CDH12: variants seen among roughly 807,000 people sequenced by gnomAD.
CDH12 encodes cadherin 12.
In CDH12, 41 loss-of-function variants were observed where a neutral mutation model predicts 74.1. The observed-to-expected ratio is 0.55, with a 90% CI of 0.43 to 0.72. The LOEUF is 0.72. Ranked by LOEUF, CDH12 falls within the 30% of genes least tolerant of loss-of-function variation. CDH12 has a pLI of 0.00. For missense variants in CDH12, 945 were observed against 977.2 expected (o/e 0.97, Z 0.44); for synonymous variants, 399 against 355.0 (o/e 1.12, Z -1.39).
intron 2 of CDH12, among the ~76,000 whole-genome samples, chr5:22,466,861 T>C (rs1745753446): frequency 7.3e-6 from 1 of 136,356 alleles, no homozygotes; most frequent in African/African-American, 2.7e-5. Flanking sequence ...CAGTCTCGGC[T>C]CACTGCAACC....
chr5:22,157,912 G>GT lies in CDH12; in HGVS notation c.-187+54585dup, dbSNP rs967747355. Among the ~76,000 whole-genome samples, 70 of 150,944 alleles carry GT rather than the reference G, an allele frequency of 4.6e-4. 3 individuals carry two copies. Among genetic ancestry groups the GT allele is most frequent in the South Asian group, 1.7e-3 (8 of 4,784 alleles). ...GTCTAAATCCACTTTATTCCAATAT[G>GT]TTTTTTTTTCCGGGATAAAGATTAT... On this transcript the variant is annotated intron_variant, in intron 4 of 14. Coordinates refer to ENST00000382254, the MANE Select transcript of CDH12 (RefSeq NM_004061.5).
At chr5:22,356,823 T>C (rs1203951203) in intron 3 of CDH12, among the ~76,000 whole-genome samples, 1 of 152,118 alleles carries the variant, frequency 6.6e-6, no homozygotes, top group Non-Finnish European at 1.5e-5. Flanking sequence ...TGTTCACATG[T>C]AACTAAAAAC....
At chr5:22,389,947 C>A (rs192877481) in intron 3 of CDH12, among the ~76,000 whole-genome samples, 1 of 151,098 alleles carries the variant, frequency 6.6e-6, no homozygotes, top group African/African-American at 2.4e-5. Context: ...CGTGCCTGGC[C>A]GACAATTGAT....
intron 11 of CDH12, among the ~76,000 whole-genome samples, chr5:21,773,410 G>T (rs756220191): frequency 1.3e-5 from 2 of 152,136 alleles, no homozygotes; most frequent in African/African-American, 2.4e-5. Flanking sequence ...GCAGAAGAAC[G>T]CGGAAGGACT....
intron 1 of CDH12, among the ~76,000 whole-genome samples, chr5:22,811,827 G>A (rs964204339): frequency 6.6e-5 from 10 of 152,076 alleles, no homozygotes; most frequent in Admixed American, 1.3e-4. Context: ...AATAAGACCA[G>A]TGACTTCTAC....
intron 1 of CDH12, among the ~76,000 whole-genome samples, chr5:22,577,592 T>C (rs1739857001): frequency 6.6e-6 from 1 of 152,070 alleles, no homozygotes; most frequent in African/African-American, 2.4e-5. Context: ...GGAAACTAGA[T>C]AAAGTGTAAA....
chr5:22,241,643 C>T (rs7711177), intron 3 of CDH12, among the ~76,000 whole-genome samples: 1 of 151,860 alleles, frequency 6.6e-6, no homozygotes, highest in African/African-American at 2.4e-5. Context: ...AGAATAAAGA[C>T]CTACTTGAAA....
At chr5:22,631,451 A>T (rs1233728422) in intron 1 of CDH12, among the ~76,000 whole-genome samples, 1 of 133,682 alleles carries the variant, frequency 7.5e-6, no homozygotes, top group Non-Finnish European at 1.6e-5. Flanking sequence ...AATACTTTGC[A>T]GCCTTAAAAA....
chr5:22,287,377 T>C (rs1737186139), intron 3 of CDH12, among the ~76,000 whole-genome samples: 1 of 152,112 alleles, frequency 6.6e-6, no homozygotes, highest in African/African-American at 2.4e-5. Flanking sequence ...TGTCAATTTA[T>C]ATTACCAAAT....
rs190237530 is a variant in CDH12, at chr5:21,811,359, A to T, written c.1002+5586T>A. Among the ~76,000 whole-genome samples, 602 of 152,186 alleles carry T rather than the reference A, an allele frequency of 4.0e-3. 2 individuals are homozygous for T. The highest frequency in any genetic ancestry group is 0.014 in the African/African-American group (574 of 41,582). ...AACAAGTATTCACTTAATTATTTTA[A>T]TTATTTAAATTTTGCAATCACTTTG... is the stretch of plus-strand genomic sequence containing the variant. On this transcript the variant is annotated intron_variant, in intron 9 of 14. Coordinates refer to ENST00000382254, the MANE Select transcript of CDH12 (RefSeq NM_004061.5).
At chr5:22,280,361 A>T (rs913590069) in intron 3 of CDH12, among the ~76,000 whole-genome samples, 3 of 152,202 alleles carry the variant, frequency 2.0e-5, no homozygotes, top group African/African-American at 7.2e-5. Context: ...AAGGCAAGAA[A>T]TAACTAAGAT....
chr5:22,767,192 T>C (rs1187318178), intron 1 of CDH12, among the ~76,000 whole-genome samples: 1 of 152,018 alleles, frequency 6.6e-6, no homozygotes, highest in Non-Finnish European at 1.5e-5. Flanking sequence ...AAAATCATGA[T>C]ATCTTTTGAA....
At chr5:22,222,725 C>G (rs34641266) in intron 3 of CDH12, among the ~76,000 whole-genome samples, 45,875 of 151,250 alleles carry the variant, frequency 0.3, 8,372 homozygotes, top group South Asian at 0.43. Context: ...AACATACTTT[C>G]AGTTGGTTGT....
intron 4 of CDH12, among the ~76,000 whole-genome samples, chr5:22,167,449 G>A (rs867728863): frequency 1.3e-5 from 2 of 152,130 alleles, no homozygotes; most frequent in African/African-American, 2.4e-5. Context: ...TCCTTCGCTT[G>A]TTCCTACTCT....
intron 5 of CDH12, among the ~76,000 whole-genome samples, chr5:22,066,211 A>G (rs1741548003): frequency 6.6e-6 from 1 of 152,024 alleles, no homozygotes; most frequent in Non-Finnish European, 1.5e-5. Context: ...GTAGTTGGTG[A>G]TATGAGTAAG....
chr5:22,524,434 C>A (rs891340440), intron 1 of CDH12, among the ~76,000 whole-genome samples: 3 of 152,124 alleles, frequency 2.0e-5, no homozygotes, highest in African/African-American at 7.2e-5. Flanking sequence ...TCTCTTATGG[C>A]AATTATGTGT....
chr5:21,752,313 G>T, intron 14 of CDH12, 77 bp from the exon 15 acceptor site: 1 of 1,350,134 alleles, frequency 7.4e-7, no homozygotes, highest in Non-Finnish European at 1.0e-6. Flanking sequence ...AATTAAAAAT[G>T]ATTAGGGGTG....
intron 2 of CDH12, among the ~76,000 whole-genome samples, chr5:22,423,168 C>T (rs902657574): frequency 1.4e-5 from 2 of 147,230 alleles, no homozygotes; most frequent in South Asian, 2.1e-4. Context: ...ATTTTACACA[C>T]CATTGTTTTT....
chr5:22,577,044 A>G (rs1739827230), intron 1 of CDH12, among the ~76,000 whole-genome samples: 1 of 152,224 alleles, frequency 6.6e-6, no homozygotes. Context: ...GCATTAAAAC[A>G]TGGAACATTT....
Sources: gnomAD v4.1 joint callset for allele counts (sites outside exome capture counted in the v4.1 genomes callset) on GRCh38, gnomAD v4.1.1 for gene constraint, MANE v1.5 for transcripts, NCBI Gene and HGNC (gene_info 2026-07-23, HGNC 2026-07-21) for gene names.